MSRA: variants seen among roughly 807,000 people sequenced by gnomAD.
MSRA encodes the protein methionine sulfoxide reductase A, also known as mitochondrial peptide methionine sulfoxide reductase.
Under a neutral mutation model 31.3 loss-of-function variants are expected in MSRA, and 54 were observed. That is an observed-to-expected ratio of 1.73 (90% CI 1.39 to 2.17). The LOEUF (loss-of-function observed/expected upper bound fraction) is 2.17, where lower values mean the gene tolerates loss of function less well. Ranked by LOEUF, MSRA falls within the 30% of genes most tolerant of loss-of-function variation. The pLI, the probability that MSRA is intolerant of heterozygous loss-of-function variation, is 0.00. For synonymous variants in MSRA, 169 were observed against 116.5 expected (o/e 1.45, Z -2.90); for missense variants, 507 against 300.9 (o/e 1.69, Z -5.07).
intron 1 of MSRA, among the ~76,000 whole-genome samples, chr8:10,070,083 C>G (rs1797657064): frequency 6.6e-6 from 1 of 152,116 alleles, no homozygotes; most frequent in Admixed American, 6.6e-5. Context: ...CAACTTGAGT[C>G]TTGGATCAGA....
chr8:10,305,367 G>C (rs1801071919), intron 4 of MSRA, among the ~76,000 whole-genome samples: 2 of 150,412 alleles, frequency 1.3e-5, no homozygotes, highest in African/African-American at 4.9e-5. Context: ...CATAGTATCT[G>C]CCCTAATGGA....
intron 5 of MSRA, among the ~76,000 whole-genome samples, chr8:10,386,460 A>C (rs763351038): frequency 1.1e-4 from 16 of 152,348 alleles, no homozygotes; most frequent in Middle Eastern, 3.4e-3. Context: ...TTGACATCAT[A>C]GACAAAGCAG....
At chr8:10,343,038 CACACACACACACACA>C (rs1803534707) in intron 5 of MSRA, among the ~76,000 whole-genome samples, 1 of 108,944 alleles carries the variant, frequency 9.2e-6, no homozygotes, top group Admixed American at 1.3e-4. Context: ...CACACACACA[CACACACACACACACA>C]GACACACACA....
chr8:10,408,811 A>G (rs1311883369), intron 5 of MSRA, among the ~76,000 whole-genome samples: 2 of 151,438 alleles, frequency 1.3e-5, no homozygotes, highest in Non-Finnish European at 2.9e-5. Context: ...AAGATAGAAC[A>G]TGCAGTAGTT....
chr8:10,176,006 C>T (rs1023131115), intron 1 of MSRA, among the ~76,000 whole-genome samples: 2 of 152,154 alleles, frequency 1.3e-5, no homozygotes, highest in Non-Finnish European at 2.9e-5. Flanking sequence ...CCTGAGTCAT[C>T]AGTATTGGGC....
intron 1 of MSRA, among the ~76,000 whole-genome samples, chr8:10,102,506 C>T (rs1482209454): frequency 1.3e-5 from 2 of 152,128 alleles, no homozygotes; most frequent in African/African-American, 4.8e-5. Flanking sequence ...GTTTCATGCC[C>T]ATTTTTAGTT....
At chr8:10,138,108 G>C (rs566822479) in intron 1 of MSRA, among the ~76,000 whole-genome samples, 43 of 152,316 alleles carry the variant, frequency 2.8e-4, no homozygotes, top group African/African-American at 1.0e-3. Context: ...GAGCTGGTCA[G>C]ACTCTTTCTG....
intron 1 of MSRA, among the ~76,000 whole-genome samples, chr8:10,116,500 G>C (rs1010988421): frequency 2.0e-5 from 3 of 152,196 alleles, no homozygotes; most frequent in Non-Finnish European, 4.4e-5. Context: ...AGAGAACAAA[G>C]AGGTGGTCCT....
chr8:10,239,090 C>T (rs546038861), intron 2 of MSRA, among the ~76,000 whole-genome samples: 33 of 151,988 alleles, frequency 2.2e-4, no homozygotes, highest in South Asian at 1.7e-3. Context: ...ACTTTATAAA[C>T]GAGTGTACGT....
chr8:10,207,811 A>G (rs752594181), intron 1 of MSRA, 22 bp from the exon 2 acceptor site: 1 of 1,570,750 alleles, frequency 6.4e-7, no homozygotes, highest in Non-Finnish European at 8.7e-7. Flanking sequence ...TTAAACTTGC[A>G]TTTCTTTTTT....
At chr8:10,152,415 C>T (rs903665818) in intron 1 of MSRA, among the ~76,000 whole-genome samples, 1 of 152,094 alleles carries the variant, frequency 6.6e-6, no homozygotes, top group East Asian at 1.9e-4. Flanking sequence ...TGTGTGTCAG[C>T]TTCTTTTTGC....
Position 10,306,000 on chromosome 8 carries a change from G to A in MSRA, c.436+4362G>A, listed in dbSNP as rs952709788. Among the ~76,000 whole-genome samples the A allele has an allele frequency of 1.1e-4, 16 of 152,160 alleles. No individual in the cohort carries two copies. The East Asian group carries it at 1.5e-3, about 15-fold the overall frequency. On this transcript the variant is annotated intron_variant, in intron 4 of 5. Coordinates refer to ENST00000317173, the MANE Select transcript of MSRA (RefSeq NM_012331.5). ...TGAATCCCACTGTTTAAGCCAATAG[G>A]TTCTATTCTGGCCTTCTTTCTTACT...
intron 5 of MSRA, among the ~76,000 whole-genome samples, chr8:10,353,415 G>A (rs960615730): frequency 1.3e-5 from 2 of 152,196 alleles, no homozygotes; most frequent in African/African-American, 4.8e-5. Flanking sequence ...GGAGGGACCT[G>A]GGAGGGTCTG....
intron 3 of MSRA, among the ~76,000 whole-genome samples, chr8:10,257,299 A>G (rs1798234526): frequency 6.6e-6 from 1 of 152,202 alleles, no homozygotes; most frequent in South Asian, 2.1e-4. Context: ...TAAATGTGGA[A>G]TACCCTTACC....
chr8:10,410,486 C>G (rs1335696112), intron 5 of MSRA, among the ~76,000 whole-genome samples: 1 of 152,184 alleles, frequency 6.6e-6, no homozygotes, highest in Non-Finnish European at 1.5e-5. Flanking sequence ...GAGCAGTGCT[C>G]CTGAAATAGA....
intron 1 of MSRA, among the ~76,000 whole-genome samples, chr8:10,114,146 A>T (rs1800501764): frequency 6.6e-6 from 1 of 152,146 alleles, no homozygotes. Context: ...TCAGTATTCC[A>T]TTCCTTTTAT....
At chr8:10,177,442 A>G (rs1806152083) in intron 1 of MSRA, among the ~76,000 whole-genome samples, 1 of 152,184 alleles carries the variant, frequency 6.6e-6, no homozygotes, top group South Asian at 2.1e-4. Context: ...AGCTTTGATA[A>G]CTTTTTGTTG....
chr8:10,250,613 C>T, intron 3 of MSRA: 1 of 624,518 alleles, frequency 1.6e-6, no homozygotes, highest in South Asian at 1.9e-5. Flanking sequence ...GATTTTCAAG[C>T]AGGCTGTTCA....
intron 5 of MSRA, among the ~76,000 whole-genome samples, chr8:10,388,308 A>C (rs1254080075): frequency 6.6e-6 from 1 of 152,126 alleles, no homozygotes; most frequent in Non-Finnish European, 1.5e-5. Context: ...TCCCTCGATA[A>C]GGGTCTTGTG....
Sources: allele counts gnomAD v4.1 joint callset (sites outside exome capture counted in the v4.1 genomes callset), GRCh38; gene constraint gnomAD v4.1.1; transcripts MANE v1.5; gene names NCBI Gene and HGNC (gene_info 2026-07-23, HGNC 2026-07-21).